CPEB3: variants seen among roughly 807,000 people sequenced by gnomAD.
CPEB3 encodes cytoplasmic polyadenylation element binding protein 3, also known as cytoplasmic polyadenylation element-binding protein 3.
CPEB3 carries 20 observed loss-of-function variants against 67.2 expected under a neutral mutation model. The observed-to-expected ratio is 0.30, with a 90% CI of 0.21 to 0.43. The LOEUF (loss-of-function observed/expected upper bound fraction) is 0.43, where lower values mean the gene tolerates loss of function less well. CPEB3 is among the 20% of genes least tolerant of loss of function. CPEB3 has a pLI of 1.00. For missense variants in CPEB3, 746 were observed against 968.6 expected (o/e 0.77, Z 3.05); for synonymous variants, 376 against 393.1 (o/e 0.96, Z 0.51).
Position 92,073,025 on chromosome 10 carries a change from CATGA to C in CPEB3, c.1869+8291_1869+8294del, listed in dbSNP as rs200668699. Among the ~76,000 whole-genome samples, 279 of 144,072 alleles carry C rather than the reference CATGA, an allele frequency of 1.9e-3. 1 individual carries two copies. The highest frequency in any genetic ancestry group is 6.7e-3 in the African/African-American group (263 of 39,264). The allele number at this position is 144,072 out of a possible 152,430, so 94.5% of individuals were successfully genotyped here. On this transcript the variant is annotated intron_variant, in intron 9 of 9. Coordinates refer to ENST00000265997, the MANE Select transcript of CPEB3 (RefSeq NM_014912.5). ...TTTTCCTTAGAAGTAAAAACTAAGGCATGAATCTCTGTCTTTTTTTTTTTTTTTT... is the reference window on the plus strand; with the variant it reads ...TTTTCCTTAGAAGTAAAAACTAAGGCATCTCTGTCTTTTTTTTTTTTTTTT...
chr10:92,216,230 G>A (rs1850381679), intron 2 of CPEB3: 2 of 1,069,984 alleles, frequency 1.9e-6, no homozygotes, highest in Non-Finnish European at 2.7e-6. Flanking sequence ...AAGGTCAAGA[G>A]ATCAAGATCA....
At chr10:92,261,160 G>A (rs1564916058) in intron 1 of CPEB3, among the ~76,000 whole-genome samples, 1 of 152,040 alleles carries the variant, frequency 6.6e-6, no homozygotes, top group Non-Finnish European at 1.5e-5. Context: ...TTGAAACCAA[G>A]TAGTATTTGT....
At chr10:92,152,579 AG>A (rs1237842619) in intron 4 of CPEB3, among the ~76,000 whole-genome samples, 1 of 152,244 alleles carries the variant, frequency 6.6e-6, no homozygotes, top group Non-Finnish European at 1.5e-5. Context: ...AAAAGGGAAG[AG>A]AATATATGAA....
chr10:92,156,948 T>C (rs1273250929), intron 4 of CPEB3, among the ~76,000 whole-genome samples: 2 of 152,174 alleles, frequency 1.3e-5, no homozygotes, highest in Non-Finnish European at 2.9e-5. Context: ...TTTTAAAACA[T>C]AATAAAATAC....
At chr10:92,077,829 A>G (rs985356780) in intron 9 of CPEB3, among the ~76,000 whole-genome samples, 1 of 146,402 alleles carries the variant, frequency 6.8e-6, no homozygotes, top group Non-Finnish European at 1.5e-5. Context: ...GAGGGGAGTG[A>G]AGGGGAGGGG....
At chr10:92,055,493 C>T (rs920211433) in intron 9 of CPEB3, among the ~76,000 whole-genome samples, 1 of 152,142 alleles carries the variant, frequency 6.6e-6, no homozygotes, top group African/African-American at 2.4e-5. Context: ...TCCCCCACCC[C>T]CTCTTAAGCA....
At chr10:92,159,233 A>T (rs529320785) in intron 4 of CPEB3, among the ~76,000 whole-genome samples, 6 of 152,298 alleles carry the variant, frequency 3.9e-5, no homozygotes, top group African/African-American at 9.6e-5. Flanking sequence ...ACTGCACTCC[A>T]GCCTGGGCGA....
chr10:92,175,390 C>T (rs1390514073), intron 4 of CPEB3, among the ~76,000 whole-genome samples: 1 of 151,932 alleles, frequency 6.6e-6, no homozygotes, highest in African/African-American at 2.4e-5. Flanking sequence ...CACAATGCTG[C>T]TTTGAATATT....
At chr10:92,229,805 G>T (rs1851177531) in intron 2 of CPEB3, among the ~76,000 whole-genome samples, 1 of 152,202 alleles carries the variant, frequency 6.6e-6, no homozygotes, top group African/African-American at 2.4e-5. Flanking sequence ...AACACTTTGG[G>T]AGGCCAAGGC....
chr10:92,220,080 A>AGGAGGT (rs1389842977), intron 2 of CPEB3, among the ~76,000 whole-genome samples: 2 of 152,084 alleles, frequency 1.3e-5, no homozygotes, highest in Non-Finnish European at 2.9e-5. Context: ...GTTTGAACCC[A>AGGAGGT]GGAGGTGGAG....
chr10:92,196,869 T>C (rs1001214428), intron 2 of CPEB3, among the ~76,000 whole-genome samples: 1 of 150,824 alleles, frequency 6.6e-6, no homozygotes, highest in Non-Finnish European at 1.5e-5. Flanking sequence ...GAGGTGGAGG[T>C]TGCAGTGAGC....
chr10:92,158,003 C>G (rs1052961054), intron 4 of CPEB3, among the ~76,000 whole-genome samples: 1 of 151,636 alleles, frequency 6.6e-6, no homozygotes, highest in African/African-American at 2.4e-5. Context: ...CATATTTACT[C>G]ACAATTTGGC....
chr10:92,162,901 AC>A (rs1847560430), intron 4 of CPEB3, among the ~76,000 whole-genome samples: 1 of 152,158 alleles, frequency 6.6e-6, no homozygotes, highest in Non-Finnish European at 1.5e-5. Context: ...AAAAAGAAAG[AC>A]CCAGAGATTT....
chr10:92,077,699 CACTCCAGCCTGGGTGA>C (rs1842986586), intron 9 of CPEB3, among the ~76,000 whole-genome samples: 1 of 151,530 alleles, frequency 6.6e-6, no homozygotes, highest in Non-Finnish European at 1.5e-5. Flanking sequence ...GTTGAAGCTG[CACTCCAGCCTGGGTGA>C]CAGGGTGAGA....
At chr10:92,222,276 AT>A (rs1850741724) in intron 2 of CPEB3, among the ~76,000 whole-genome samples, 1 of 151,854 alleles carries the variant, frequency 6.6e-6, no homozygotes. Flanking sequence ...AGTTCAAGCA[AT>A]CCACCCACCT....
At chr10:92,149,035 G>A (rs1232720813) in intron 4 of CPEB3, among the ~76,000 whole-genome samples, 2 of 151,798 alleles carry the variant, frequency 1.3e-5, no homozygotes, top group African/African-American at 4.8e-5. Flanking sequence ...CCAGTAGCTG[G>A]GATTATAGGC....
chr10:92,217,634 T>TGC (rs879570424), intron 2 of CPEB3, among the ~76,000 whole-genome samples: 9 of 151,724 alleles, frequency 5.9e-5, no homozygotes, highest in Non-Finnish European at 1.2e-4. Flanking sequence ...TGGTGGCACA[T>TGC]GCCTGTAATC....
intron 2 of CPEB3, among the ~76,000 whole-genome samples, chr10:92,238,211 A>G (rs1327792173): frequency 4.6e-5 from 7 of 152,342 alleles, no homozygotes; most frequent in Admixed American, 2.6e-4. Context: ...AGAAGCTTAC[A>G]GCCAAATCAA....
intron 2 of CPEB3, among the ~76,000 whole-genome samples, chr10:92,196,288 C>T (rs1043961993): frequency 4.6e-5 from 7 of 152,200 alleles, no homozygotes; most frequent in Admixed American, 4.6e-4. Flanking sequence ...ATAAACAAGC[C>T]TGGCTACCTT....
Sources: allele counts gnomAD v4.1 joint callset (sites outside exome capture counted in the v4.1 genomes callset), GRCh38; gene constraint gnomAD v4.1.1; transcripts MANE v1.5; gene names NCBI Gene and HGNC (gene_info 2026-07-23, HGNC 2026-07-21).